MYO7B: variants seen among roughly 807,000 people sequenced by gnomAD.
MYO7B encodes unconventional myosin-VIIb.
A neutral mutation model predicts 259.7 loss-of-function variants in MYO7B; 212 were observed. The ratio of observed to expected loss-of-function variants is 0.82; its 90% CI spans 0.73 to 0.91. The LOEUF (loss-of-function observed/expected upper bound fraction) is 0.91. Among genes scored for constraint, MYO7B ranks in the 40% least tolerant of loss-of-function variants. MYO7B has a pLI of 0.00. For missense variants in MYO7B, 2,732 were observed against 2,813.5 expected, an observed-to-expected ratio of 0.97 and a Z score of 0.66; for synonymous variants, 1,197 against 1,166.4, an observed-to-expected ratio of 1.03 and a Z score of -0.54.
chr2:127,572,360 A>G (rs1169785937), intron 6 of MYO7B, among the ~76,000 whole-genome samples: 1 of 150,148 alleles, frequency 6.7e-6, no homozygotes, highest in Admixed American at 6.7e-5. Context: ...CAAAGTTTGC[A>G]GAGAGCCGAG....
intron 9 of MYO7B, among the ~76,000 whole-genome samples, chr2:127,579,909 G>A (rs892652776): frequency 4.6e-5 from 7 of 152,120 alleles, no homozygotes; most frequent in African/African-American, 1.4e-4. Flanking sequence ...TTTAAAAGCC[G>A]GCACATTAAA....
In MYO7B at chr2:127,567,230, C is replaced by A. The variant is rs2104876688; in HGVS notation, c.470+403C>A. Among the ~76,000 whole-genome samples, 4 of 152,082 alleles carry A rather than the reference C, an allele frequency of 2.6e-5. 1 individual carries two copies. In the South Asian group the frequency reaches 8.3e-4, roughly 32 times the overall value. The stretch of plus-strand genomic sequence containing the variant: ...ACCAGCCTAGACAACATAGCAAGAC[C>A]CTCTCTCTGTAAAAATAAAAAAAGA... On this transcript the variant is annotated intron_variant, in intron 5 of 47. Transcript: ENST00000409816.
intron 36 of MYO7B, 60 bp from the exon 37 acceptor site, chr2:127,631,146 G>T: frequency 6.7e-7 from 1 of 1,503,620 alleles, no homozygotes; most frequent in Non-Finnish European, 8.9e-7. Flanking sequence ...TCAGAGGACA[G>T]AGAAGCGTGG....
intron 1 of MYO7B, among the ~76,000 whole-genome samples, chr2:127,549,067 A>G (rs1693345084): frequency 6.6e-6 from 1 of 152,076 alleles, no homozygotes; most frequent in African/African-American, 2.4e-5. Context: ...TATTCCTCAT[A>G]ATATTCCTTG....
chr2:127,605,671 C>G (rs1333687070), intron 19 of MYO7B, among the ~76,000 whole-genome samples, 173 bp from the exon 20 acceptor site: 1 of 152,192 alleles, frequency 6.6e-6, no homozygotes, highest in East Asian at 1.9e-4. Flanking sequence ...ATTTTTTGTT[C>G]CTAACCTGCC....
chr2:127,559,574 T>G lies in MYO7B; in HGVS notation c.-23-126T>G, dbSNP rs1209612336. The G allele has an allele frequency of 2.4e-6, 2 of 822,404 alleles. No individual in the cohort carries two copies. Among genetic ancestry groups the G allele is most frequent in the East Asian group, 5.0e-5 (2 of 40,386 alleles). 50.9% of individuals were successfully genotyped at this position (822,404 alleles called of 1,614,324 possible). On this transcript the variant is annotated intron_variant, in intron 1 of 47. Transcript: ENST00000409816. The surrounding 1 kb of genome is among the most constrained non-coding windows in gnomAD (Gnocchi z 4.1). ...TCATTCATCCATTTATTCAGCATTG[T>G]TTTTGAGCCAGGTCCCATGCCGGGC...
At chr2:127,560,245 C>T (rs939122935) in intron 2 of MYO7B, among the ~76,000 whole-genome samples, 1 of 151,988 alleles carries the variant, frequency 6.6e-6, no homozygotes, top group East Asian at 1.9e-4. Flanking sequence ...AGGCTGGTCT[C>T]GAATTCCTGA....
chr2:127,628,211 C>T lies in MYO7B; in HGVS notation c.4461-161C>T. 1.2e-6 allele frequency: 1 copy of T among 862,546 alleles called. No individual in the cohort carries two copies. The allele number at this position is 862,546 out of a possible 1,614,324, so 53.4% of individuals were successfully genotyped here. A position where few individuals can be genotyped will look rare whatever the true frequency, so the allele number is the denominator to read the frequency against. ...CTGTGCTCCGCCGTCCTTCATTTGTCCAGACCCACAGTGGTGTCTGGCCTA... is the reference window on the plus strand; with the variant it reads ...CTGTGCTCCGCCGTCCTTCATTTGTTCAGACCCACAGTGGTGTCTGGCCTA... On this transcript the variant is annotated intron_variant, in intron 33 of 47. Coordinates refer to ENST00000409816, the MANE Select transcript of MYO7B (RefSeq NM_001393586.1). This position sits in a 1 kb window ranked among gnomAD's most constrained non-coding sequence, Gnocchi z 4.8.
chr2:127,612,210 C>T, intron 24 of MYO7B, 40 bp from the exon 25 acceptor site: 1 of 567,666 alleles, frequency 1.8e-6, no homozygotes, highest in South Asian at 1.5e-5. Flanking sequence ...CTGAGGTGAG[C>T]CCAGGCTCAC....
intron 7 of MYO7B, among the ~76,000 whole-genome samples, chr2:127,574,456 C>T (rs1558809255): frequency 1.3e-5 from 2 of 152,234 alleles, no homozygotes; most frequent in Admixed American, 1.3e-4. Context: ...ATGAGAATTG[C>T]TTGAGCCTAG....
Position 127,627,305 on chromosome 2 carries a change from C to G in MYO7B, c.4455C>G (p.Thr1485=). The change falls in exon 33 of 48, where the codon ACC becomes ACG. Residue 1485 remains threonine (T), a synonymous_variant. Transcript: ENST00000409816. This position sits in a 1 kb window ranked among gnomAD's most constrained non-coding sequence, Gnocchi z 5.6. The part of the protein sequence containing the change: ...LSFPEVMGLA[T]NREAQGGQRL... ...TCCCAGAGGTCATGGGTCTGGCCACCAACAGGTGCGGGCCCTGAGGGAAGA... is the reference window on the plus strand; with the variant it reads ...TCCCAGAGGTCATGGGTCTGGCCACGAACAGGTGCGGGCCCTGAGGGAAGA... 6.2e-7 allele frequency: 1 copy of G among 1,612,906 alleles called. No homozygotes were observed. The highest frequency in any genetic ancestry group is 8.5e-7 in the Non-Finnish European group (1 of 1,179,766).
intron 3 of MYO7B, among the ~76,000 whole-genome samples, chr2:127,564,908 C>G (rs1678265572): frequency 1.3e-5 from 2 of 152,230 alleles, no homozygotes; most frequent in South Asian, 4.1e-4. Flanking sequence ...CTGCAAGGCT[C>G]CCAGCTGCAA....
At chr2:127,595,415 A>G (rs974236099) in intron 18 of MYO7B, among the ~76,000 whole-genome samples, 4 of 152,146 alleles carry the variant, frequency 2.6e-5, no homozygotes. Flanking sequence ...TTTTCAAAAA[A>G]TCAGCTCCTG....
In MYO7B at chr2:127,635,309, C is replaced by T. The variant is rs1007294778; in HGVS notation, c.5820+83C>T. The T allele has an allele frequency of 7.5e-5, 99 of 1,328,548 alleles. No individual in the cohort carries two copies. The African/African-American group carries it at 8.4e-4, about 11-fold the overall frequency. The allele number at this position is 1,328,548 out of a possible 1,614,324, so 82.3% of individuals were successfully genotyped here. On this transcript the variant is annotated intron_variant, in intron 43 of 47. Coordinates refer to ENST00000409816, the MANE Select transcript of MYO7B (RefSeq NM_001393586.1). Reference sequence around the variant, plus strand: ...TCTGAGGCTGTAGAAGCCAGCAGGCCAGGGCAGGGCCAGCCTCAGCCCTGG... The same window carrying T: ...TCTGAGGCTGTAGAAGCCAGCAGGCTAGGGCAGGGCCAGCCTCAGCCCTGG...
intron 1 of MYO7B, among the ~76,000 whole-genome samples, chr2:127,553,178 G>A (rs1693516299): frequency 6.6e-6 from 1 of 152,216 alleles, no homozygotes; most frequent in African/African-American, 2.4e-5. Flanking sequence ...AAGATAGTTT[G>A]AATTCAGGTA....
chr2:127,634,493 C>G (rs930839475), intron 41 of MYO7B, 103 bp from the exon 42 acceptor site: 4 of 1,090,148 alleles, frequency 3.7e-6, no homozygotes, highest in Non-Finnish European at 5.5e-6. Context: ...GACTCCAGCG[C>G]AGCACCCAGG....
Position 127,624,292 on chromosome 2 carries a change from T to C in MYO7B, c.4019T>C (p.Val1340Ala). Residue 1340 changes from valine (V) to alanine (A), a missense_variant, in exon 30 of 48, where the codon GTC (valine) becomes GCC (alanine). This residue lies in a region of MYO7B where 1,906 missense variants were observed against 2,026.4 expected (regional missense o/e 0.94). Coordinates refer to ENST00000409816, the MANE Select transcript of MYO7B (RefSeq NM_001393586.1). ...ELIYRQVLRGVWSGEYSFEKE... is the reference protein window; with the variant it reads ...ELIYRQVLRGAWSGEYSFEKE... ...ATTTACCGCCAAGTCCTCCGAGGAG[T>C]CTGGTCTGGCGAGTACAGCTTCGAG... The C allele has an allele frequency of 6.3e-7, 1 of 1,583,570 alleles. No homozygotes were observed. The highest frequency in any genetic ancestry group is 8.6e-7 in the Non-Finnish European group (1 of 1,165,590).
intron 28 of MYO7B, among the ~76,000 whole-genome samples, chr2:127,622,715 A>T (rs1253422305): frequency 6.6e-6 from 1 of 152,172 alleles, no homozygotes; most frequent in Non-Finnish European, 1.5e-5. Context: ...CCTGCCCCCG[A>T]GCCCACAGGG....
At position 127,590,639 on chromosome 2, in the gene MYO7B, G is replaced by A. The variant is rs1479952842; in HGVS notation, c.1992+410G>A. Among the ~76,000 whole-genome samples, 1 of 152,214 alleles carries A rather than the reference G, an allele frequency of 6.6e-6. No individual in the cohort carries two copies. Among genetic ancestry groups the A allele is most frequent in the Non-Finnish European group, 1.5e-5 (1 of 68,046 alleles). On this transcript the variant is annotated intron_variant, in intron 16 of 47. Coordinates refer to ENST00000409816, the MANE Select transcript of MYO7B (RefSeq NM_001393586.1). This position sits in a 1 kb window ranked among gnomAD's most constrained non-coding sequence, Gnocchi z 4.6. The stretch of plus-strand genomic sequence containing the variant: ...AGAAATCAGTAATAGGACTTTAGAG[G>A]CTGACACCACTCCTTTCACCAGCCC...
Sources: allele counts gnomAD v4.1 joint callset (sites outside exome capture counted in the v4.1 genomes callset), GRCh38; gene constraint gnomAD v4.1.1; regional missense constraint gnomAD v4.1.1; non-coding constraint Gnocchi (gnomAD v3.1); transcripts MANE v1.5; gene names NCBI Gene and HGNC (gene_info 2026-07-23, HGNC 2026-07-21).